Variants in ASTN1 observed in about 807,000 individuals in gnomAD.
ASTN1 encodes the protein astrotactin 1, also known as astrotactin-1.
ASTN1 carries 41 observed loss-of-function variants against 140.7 expected under a neutral mutation model. The observed-to-expected ratio is 0.29, with a 90% CI of 0.23 to 0.38. The LOEUF (loss-of-function observed/expected upper bound fraction) is 0.38. Among genes scored for constraint, ASTN1 ranks in the 10% least tolerant of loss-of-function variants. The pLI is 1.00. For missense variants in ASTN1, 1,479 were observed against 1,678.8 expected, an observed-to-expected ratio of 0.88 and a Z score of 2.08; for synonymous variants, 640 against 652.2, an observed-to-expected ratio of 0.98 and a Z score of 0.29.
chr1:176,894,701 T>C lies in ASTN1; in HGVS notation c.2801A>G (p.His934Arg). 2 of 1,614,128 alleles carry C rather than the reference T, an allele frequency of 1.2e-6. No homozygotes were observed. The highest frequency in any genetic ancestry group is 2.7e-5 in the African/African-American group (2 of 75,060). The change falls in exon 17 of 23, where the codon CAC becomes CGC. Residue 934 changes from histidine to arginine, a missense_variant. His to Arg is a conservative substitution (Grantham distance 29, BLOSUM62 0). Transcript: ENST00000361833. ...HMAAGVRMEC[H>R]SKGRCPSSCP... Reference sequence around the variant, plus strand: ...GGACGAGGGGCATCGTCCCTTGCTGTGGCACTCCATGCGGACTCCAGCCGC... The same window carrying C: ...GGACGAGGGGCATCGTCCCTTGCTGCGGCACTCCATGCGGACTCCAGCCGC...
intron 7 of ASTN1, among the ~76,000 whole-genome samples, chr1:177,019,370 C>G (rs1010130328): frequency 6.6e-5 from 10 of 152,202 alleles, no homozygotes. Context: ...TCCCACTGGT[C>G]TCCCCTGACC....
rs1310076472 is a variant in ASTN1 at position 176,862,206 on chromosome 1, T to A, written c.*2078A>T. On this transcript the variant is annotated 3_prime_UTR_variant, in exon 23 of 23. Transcript: ENST00000361833. The stretch of plus-strand genomic sequence containing the variant: ...GGGACAGCCAATTTTTCTGCTGATC[T>A]TTGCTTTGAAAGTAGGGGAATCTCT... 1.0e-6 allele frequency: 1 copy of A among 985,282 alleles called. No individual in the cohort carries two copies. The highest frequency in any genetic ancestry group is 6.1e-5 in the Admixed American group (1 of 16,264). The allele number at this position is 985,282 out of a possible 1,614,324, so 61.0% of individuals were successfully genotyped here.
chr1:176,870,653 C>T (rs1003398211), intron 21 of ASTN1, among the ~76,000 whole-genome samples: 1 of 152,090 alleles, frequency 6.6e-6, no homozygotes, highest in Non-Finnish European at 1.5e-5. Flanking sequence ...CTCTTGATAC[C>T]AGGTGACACC....
chr1:177,136,533 T>C (rs1480801124), intron 1 of ASTN1, among the ~76,000 whole-genome samples: 3 of 152,104 alleles, frequency 2.0e-5, no homozygotes, highest in Non-Finnish European at 4.4e-5. Flanking sequence ...TTTGCATTTT[T>C]AGTAGAGACA....
chr1:177,084,909 G>A (rs758165555), intron 1 of ASTN1, among the ~76,000 whole-genome samples: 4 of 151,384 alleles, frequency 2.6e-5, no homozygotes, highest in Non-Finnish European at 5.9e-5. Flanking sequence ...ACTGACATCT[G>A]TTTCTGCCTC....
chr1:176,906,839 C>T (rs1265826603), intron 16 of ASTN1, among the ~76,000 whole-genome samples: 1 of 139,890 alleles, frequency 7.1e-6, no homozygotes, highest in African/African-American at 2.8e-5. Context: ...GTGAGACTCT[C>T]TCTCAAAAAA....
At chr1:176,911,894 G>A (rs2103060830) in intron 16 of ASTN1, among the ~76,000 whole-genome samples, 1 of 152,280 alleles carries the variant, frequency 6.6e-6, no homozygotes, top group South Asian at 2.1e-4. Flanking sequence ...CAGTAGTTTT[G>A]TTTACACCAA....
chr1:177,143,451 G>T (rs1323382673), intron 1 of ASTN1, among the ~76,000 whole-genome samples: 2 of 152,174 alleles, frequency 1.3e-5, no homozygotes, highest in Admixed American at 1.3e-4. Flanking sequence ...CTGAGAAGTT[G>T]CACCCTGAAG....
intron 1 of ASTN1, among the ~76,000 whole-genome samples, chr1:177,160,305 C>A (rs1181115802): frequency 1.3e-5 from 2 of 152,198 alleles, no homozygotes; most frequent in African/African-American, 2.4e-5. Flanking sequence ...AAGTTGACAG[C>A]AAATCTGTCT....
chr1:177,019,673 T>C (rs1675721186), intron 7 of ASTN1, among the ~76,000 whole-genome samples: 1 of 152,176 alleles, frequency 6.6e-6, no homozygotes, highest in South Asian at 2.1e-4. Flanking sequence ...CTGAGTGCTC[T>C]AGGTATATTA....
chr1:177,028,595 A>G (rs1348812550), intron 5 of ASTN1, among the ~76,000 whole-genome samples: 1 of 152,142 alleles, frequency 6.6e-6, no homozygotes, highest in Non-Finnish European at 1.5e-5. Flanking sequence ...GGAAATTGTT[A>G]TGGAATGTAT....
intron 1 of ASTN1, among the ~76,000 whole-genome samples, chr1:177,123,573 T>C (rs1359435094): frequency 6.6e-6 from 1 of 152,144 alleles, no homozygotes; most frequent in East Asian, 1.9e-4. Flanking sequence ...ACCCCAAAGA[T>C]GGTGACCACA....
rs957586912 is a variant in ASTN1, at chr1:176,863,940, C to T, written c.*344G>A. On this transcript the variant is annotated 3_prime_UTR_variant, in exon 23 of 23. Transcript: ENST00000361833. ...GAGCACAGGGTGCCTACTTAATAGA[C>T]TTTTCATGGGGAGCACGGCAGAGCT... is the stretch of plus-strand genomic sequence containing the variant. 25 of 1,083,242 alleles carry T rather than the reference C, an allele frequency of 2.3e-5. No homozygotes were observed. The highest frequency in any genetic ancestry group is 2.7e-5 in the Non-Finnish European group (24 of 889,490). 67.1% of individuals were successfully genotyped at this position (1,083,242 alleles called of 1,614,324 possible).
intron 20 of ASTN1, among the ~76,000 whole-genome samples, chr1:176,881,827 C>A (rs1668811676): frequency 6.6e-6 from 1 of 152,222 alleles, no homozygotes; most frequent in Non-Finnish European, 1.5e-5. Flanking sequence ...GTTCATCTTG[C>A]AATCAATGCC....
intron 8 of ASTN1, 142 bp downstream of exon 8, chr1:177,014,649 C>G (rs1675452154): frequency 1.5e-6 from 1 of 679,596 alleles, no homozygotes; most frequent in African/African-American, 1.8e-5. Flanking sequence ...TATGGAAAGG[C>G]ATAGTGACAT....
rs139963266 is a variant in ASTN1, at chr1:176,972,756, A to G, written c.1524-7519T>C. Among the ~76,000 whole-genome samples, 1,259 of 152,330 alleles carry G rather than the reference A, an allele frequency of 8.3e-3. 7 individuals carry two copies. Among genetic ancestry groups the G allele is most frequent in the Non-Finnish European group, 0.014 (921 of 68,034 alleles). On this transcript the variant is annotated intron_variant, in intron 8 of 22. Coordinates refer to ENST00000361833, the MANE Select transcript of ASTN1 (RefSeq NM_004319.3). ...ACTATTTAATGTCTATTAGTAGAAA[A>G]CAAACTTATTTATAATTTTTTATAC...
At chr1:177,013,151 C>T (rs1675376772) in intron 8 of ASTN1, among the ~76,000 whole-genome samples, 1 of 152,156 alleles carries the variant, frequency 6.6e-6, no homozygotes, top group South Asian at 2.1e-4. Flanking sequence ...TATGTAGCTG[C>T]CCTTCTACAA....
chr1:177,082,810 T>C (rs1679243717), intron 1 of ASTN1, among the ~76,000 whole-genome samples: 1 of 152,218 alleles, frequency 6.6e-6, no homozygotes, highest in African/African-American at 2.4e-5. Flanking sequence ...AAGGTATTGG[T>C]AGCTCATTAC....
chr1:177,050,361 G>C (rs945335954), intron 2 of ASTN1, among the ~76,000 whole-genome samples: 1 of 152,122 alleles, frequency 6.6e-6, no homozygotes, highest in East Asian at 1.9e-4. Context: ...GGGAGCCAAA[G>C]CCCAGCAGGC....
Sources: gnomAD v4.1 joint callset for allele counts (sites outside exome capture counted in the v4.1 genomes callset) on GRCh38, gnomAD v4.1.1 for gene constraint, MANE v1.5 for transcripts, NCBI Gene and HGNC (gene_info 2026-07-23, HGNC 2026-07-21) for gene names.